The following NIT2 variants were observed in gnomAD, a reference collection of about 807,000 sequenced individuals.
The protein encoded by NIT2 is nitrilase family member 2.
In NIT2, 46 loss-of-function variants were observed where a neutral mutation model predicts 42.7. The ratio of observed to expected loss-of-function variants is 1.08; its 90% confidence interval spans 0.85 to 1.38. The LOEUF is 1.38. Ranked by LOEUF, NIT2 falls within the 40% of genes most tolerant of loss-of-function variation. NIT2 has a pLI of 0.00. For missense variants in NIT2, 309 were observed against 342.5 expected (o/e 0.90, Z 0.77); for synonymous variants, 123 against 121.9 (o/e 1.01, Z -0.06).
intron 1 of NIT2, among the ~76,000 whole-genome samples, chr3:100,338,379 T>C (rs1706103315): frequency 6.6e-6 from 1 of 152,202 alleles, no homozygotes; most frequent in Non-Finnish European, 1.5e-5. Context: ...CTTGGACACA[T>C]GAATACTTAT....
rs1706127738 is a variant in NIT2 at position 100,339,829 on chromosome 3, TC to T, written c.143del (p.Pro48HisfsTer25). On this transcript the variant is annotated frameshift_variant, in exon 3 of 10. Coordinates refer to ENST00000394140, the MANE Select transcript of NIT2 (RefSeq NM_020202.5). LOFTEE classifies it high-confidence loss of function. ...TATTTTTCTAGGAATGCTTTAATTC[TC>T]CATATGGAGCGAAATATTTTCCTGA... ...IVSLPECFNS[P>X]YGAKYFPEYA... The T allele has an allele frequency of 6.2e-7, 1 of 1,606,426 alleles. No homozygotes were observed. The highest frequency in any genetic ancestry group is 1.3e-5 in the African/African-American group (1 of 74,442).
chr3:100,351,030 A>G (rs1343986034), intron 7 of NIT2, among the ~76,000 whole-genome samples: 4 of 152,162 alleles, frequency 2.6e-5, no homozygotes, highest in Admixed American at 2.6e-4. Flanking sequence ...TACAAAGGAC[A>G]TGAACTCATC....
intron 6 of NIT2, 140 bp from the exon 7 acceptor site, chr3:100,348,663 G>A: frequency 1.6e-6 from 1 of 623,750 alleles, no homozygotes. Flanking sequence ...AATTGCTGCT[G>A]GCACTGTCTG....
rs1190432271 is a variant in NIT2 at position 100,359,869 on chromosome 3, G to T, written c.*4601G>T. 1 of 152,088 alleles carries T rather than the reference G, an allele frequency of 6.6e-6. No homozygotes were observed. The highest frequency in any genetic ancestry group is 2.4e-5 in the African/African-American group (1 of 41,394). 9.4% of individuals were successfully genotyped at this position (152,088 alleles called of 1,614,324 possible). On this transcript the variant is annotated 3_prime_UTR_variant, in exon 10 of 10. Transcript: ENST00000394140. ...TGCTGTGCCTTTATTTAGATTTGTT[G>T]TGGTTGTTTCCCCACATTCTGGAAG...
chr3:100,338,400 C>T (rs888067252), intron 1 of NIT2, among the ~76,000 whole-genome samples: 5 of 152,170 alleles, frequency 3.3e-5, no homozygotes, highest in African/African-American at 7.2e-5. Flanking sequence ...GGGGTAAGTG[C>T]AGACTTTTAG....
At chr3:100,350,630 G>A (rs993435869) in intron 7 of NIT2, among the ~76,000 whole-genome samples, 3 of 152,204 alleles carry the variant, frequency 2.0e-5, no homozygotes, top group African/African-American at 4.8e-5. Context: ...CTACCTGCTC[G>A]ATGTCAGTAG....
chr3:100,354,895 T>C, intron 9 of NIT2, 68 bp downstream of exon 9: 1 of 1,333,678 alleles, frequency 7.5e-7, no homozygotes, highest in African/African-American at 1.5e-5. Flanking sequence ...ACTCCATGGC[T>C]GGGAAGTCCC....
chr3:100,346,570 A>G (rs1169869001), intron 6 of NIT2, among the ~76,000 whole-genome samples: 1 of 152,220 alleles, frequency 6.6e-6, no homozygotes, highest in Non-Finnish European at 1.5e-5. Context: ...TTCACCACTC[A>G]GTACCCCTAG....
At chr3:100,348,619 G>A (rs528636599) in intron 6 of NIT2, among the ~76,000 whole-genome samples, 184 bp from the exon 7 acceptor site, 6 of 152,308 alleles carry the variant, frequency 3.9e-5, no homozygotes, top group African/African-American at 9.6e-5. Context: ...TGTGACTTAC[G>A]TGTTCGTATT....
chr3:100,348,760 G>A, intron 6 of NIT2, 43 bp from the exon 7 acceptor site: 1 of 1,510,196 alleles, frequency 6.6e-7, no homozygotes, highest in South Asian at 1.1e-5. Flanking sequence ...GTTTTGTTGA[G>A]TGCTCACTGC....
chr3:100,351,857 C>T (rs1009630794), intron 7 of NIT2, among the ~76,000 whole-genome samples: 12 of 152,122 alleles, frequency 7.9e-5, no homozygotes, highest in African/African-American at 2.9e-4. Flanking sequence ...GCAACCTACT[C>T]ATCTGACAAA....
At chr3:100,346,448 A>G (rs1156767810) in intron 6 of NIT2, among the ~76,000 whole-genome samples, 193 bp downstream of exon 6, 1 of 152,098 alleles carries the variant, frequency 6.6e-6, no homozygotes, top group East Asian at 1.9e-4. Flanking sequence ...GTTGTAATTA[A>G]ACACATCATG....
chr3:100,335,108 C>A, intron 1 of NIT2: 1 of 435,802 alleles, frequency 2.3e-6, no homozygotes, highest in South Asian at 1.7e-5. Context: ...GTGTGGGCCG[C>A]GGTGGTAGGA....
chr3:100,354,065 C>T (rs764324035), intron 8 of NIT2, among the ~76,000 whole-genome samples: 2 of 152,200 alleles, frequency 1.3e-5, no homozygotes, highest in Non-Finnish European at 2.9e-5. Context: ...CGTGAGCTAC[C>T]GCACCCTTCC....
At chr3:100,346,123 G>A (rs1463939168) in intron 5 of NIT2, 58 bp from the exon 6 acceptor site, 1 of 1,372,054 alleles carries the variant, frequency 7.3e-7, no homozygotes. Flanking sequence ...GATTTCCCCT[G>A]CCACACCATG....
rs1288142888 is a variant in NIT2 at position 100,355,367 on chromosome 3, G to A, written c.*99G>A. Reference sequence around the variant, plus strand: ...TTAATGAAGATTTTTTTTTTAATTCGGCCTTGTCCTTCCTAGGTTCTCTAT... The same window carrying A: ...TTAATGAAGATTTTTTTTTTAATTCAGCCTTGTCCTTCCTAGGTTCTCTAT... On this transcript the variant is annotated 3_prime_UTR_variant, in exon 10 of 10. Coordinates refer to ENST00000394140, the MANE Select transcript of NIT2 (RefSeq NM_020202.5). 8 of 865,866 alleles carry A rather than the reference G, an allele frequency of 9.2e-6. No individual in the cohort carries two copies. The highest frequency in any genetic ancestry group is 2.3e-4 in the Middle Eastern group (1 of 4,280). The allele number at this position is 865,866 out of a possible 1,614,324, so 53.6% of individuals were successfully genotyped here. A position where few individuals can be genotyped will look rare whatever the true frequency, so the allele number is the denominator to read the frequency against.
chr3:100,339,305 T>C, intron 2 of NIT2, 100 bp downstream of exon 2: 2 of 802,154 alleles, frequency 2.5e-6, no homozygotes, highest in Non-Finnish European at 4.4e-6. Context: ...GGTCCAGCAG[T>C]GTCCCTTGGA....
At chr3:100,339,272 C>G in intron 2 of NIT2, 67 bp downstream of exon 2, 1 of 1,006,022 alleles carries the variant, frequency 9.9e-7, no homozygotes, top group East Asian at 2.4e-5. Flanking sequence ...TTTGCTAGCT[C>G]TGGTTGTCCT....
At chr3:100,353,868 C>A (rs1009212127) in intron 8 of NIT2, among the ~76,000 whole-genome samples, 2 of 151,880 alleles carry the variant, frequency 1.3e-5, no homozygotes, top group Non-Finnish European at 2.9e-5. Flanking sequence ...CCTCTGCCTC[C>A]CGGGTTCGAG....
Sources: gnomAD v4.1 joint callset for allele counts (sites outside exome capture counted in the v4.1 genomes callset) on GRCh38, gnomAD v4.1.1 for gene constraint, MANE v1.5 for transcripts, NCBI Gene and HGNC (gene_info 2026-07-23, HGNC 2026-07-21) for gene names.